Variants in UNC13A observed in about 807,000 individuals in gnomAD.
UNC13A encodes unc-13 homolog A, also known as protein unc-13 homolog A.
UNC13A carries 61 observed loss-of-function variants against 219.7 expected under a neutral mutation model. The ratio of observed to expected loss-of-function variants is 0.28; its 90% CI spans 0.23 to 0.34. UNC13A has a LOEUF of 0.34. UNC13A is among the 10% of genes least tolerant of loss of function. The pLI is 1.00. For synonymous variants in UNC13A, 920 were observed against 884.6 expected (o/e 1.04, Z -0.71); for missense variants, 1,476 against 2,270.3 (o/e 0.65, Z 7.11).
chr19:17,669,885 C>T (rs1055345892), intron 4 of UNC13A, among the ~76,000 whole-genome samples: 14 of 148,780 alleles, frequency 9.4e-5, no homozygotes, highest in Non-Finnish European at 1.6e-4. Flanking sequence ...TTCCCTTCCT[C>T]CCTTCCTTCC....
chr19:17,672,355 C>G, intron 4 of UNC13A, 23 bp downstream of exon 4: 2 of 1,605,720 alleles, frequency 1.2e-6, no homozygotes, highest in Non-Finnish European at 1.7e-6. Flanking sequence ...TCCTTCTTCA[C>G]CCTCAGGCCA....
intron 7 of UNC13A, among the ~76,000 whole-genome samples, chr19:17,665,831 C>T (rs894413962): frequency 5.9e-5 from 9 of 152,196 alleles, no homozygotes; most frequent in East Asian, 1.9e-4. Flanking sequence ...GAAGCATCTA[C>T]GAAGTGTTTT....
intron 41 of UNC13A, among the ~76,000 whole-genome samples, chr19:17,615,759 A>G (rs897821350): frequency 1.3e-5 from 2 of 152,166 alleles, no homozygotes; most frequent in East Asian, 1.9e-4. Flanking sequence ...TTAGAGCCTG[A>G]TAAGTATTCA....
At chr19:17,635,249 C>A (rs2076901597) in intron 26 of UNC13A, among the ~76,000 whole-genome samples, 1 of 152,172 alleles carries the variant, frequency 6.6e-6, no homozygotes, top group Non-Finnish European at 1.5e-5. Flanking sequence ...GATCCACCCA[C>A]CTTGGCCTCC....
chr19:17,625,835 A>C (rs2076776444), intron 34 of UNC13A, among the ~76,000 whole-genome samples: 1 of 148,200 alleles, frequency 6.7e-6, no homozygotes, highest in African/African-American at 2.5e-5. Context: ...CCACCCATCC[A>C]ACCATCCATT....
intron 43 of UNC13A, among the ~76,000 whole-genome samples, chr19:17,608,799 A>T (rs1465347360): frequency 6.6e-6 from 1 of 151,738 alleles, no homozygotes; most frequent in African/African-American, 2.4e-5. Flanking sequence ...TACAGGTGTG[A>T]GCCACCACAC....
chr19:17,680,889 C>CTTTT (rs375785182), intron 1 of UNC13A, among the ~76,000 whole-genome samples: 690 of 48,700 alleles, frequency 0.014, 109 homozygotes, highest in Non-Finnish European at 0.019. Flanking sequence ...CTTTTCTTTT[C>CTTTT]TTTTTTTTTT....
rs1934434302 is a variant in UNC13A, at chr19:17,649,205, C to T, written c.1524+134G>A. The T allele has an allele frequency of 7.0e-7, 1 of 1,418,986 alleles. No homozygotes were observed. Among genetic ancestry groups the T allele is most frequent in the Admixed American group, 2.0e-5 (1 of 50,648 alleles). 87.9% of individuals were successfully genotyped at this position (1,418,986 alleles called of 1,614,324 possible). ...CCTGGAAAGTGAGCAGCCCCGCACC[C>T]CTGACTCACAGCATCCAACACAGTG... is the stretch of plus-strand genomic sequence containing the variant. On this transcript the variant is annotated intron_variant, in intron 14 of 43. Transcript: ENST00000519716. The surrounding 1 kb of genome is among the most constrained non-coding windows in gnomAD (Gnocchi z 4.4).
intron 24 of UNC13A, 56 bp from the exon 25 acceptor site, chr19:17,639,273 A>G (rs2076942625): frequency 1.2e-6 from 2 of 1,608,340 alleles, no homozygotes; most frequent in Middle Eastern, 1.7e-4. Context: ...GGTCCCCAGG[A>G]AGTGACTGCG....
intron 1 of UNC13A, among the ~76,000 whole-genome samples, chr19:17,680,114 C>T (rs1381130082): frequency 3.2e-5 from 2 of 62,584 alleles, no homozygotes; most frequent in African/African-American, 1.3e-4. Context: ...AGGGTGTTCG[C>T]GGTGAGGGAG....
intron 8 of UNC13A, among the ~76,000 whole-genome samples, chr19:17,662,292 T>C (rs888278985): frequency 1.3e-5 from 2 of 151,708 alleles, no homozygotes; most frequent in South Asian, 4.2e-4. Context: ...TACTGTGAAC[T>C]GTGCATGTGC....
chr19:17,656,224 C>T lies in UNC13A; in HGVS notation c.942G>A (p.Ser314=), dbSNP rs150818554. The T allele has an allele frequency of 1.2e-4, 194 of 1,552,194 alleles. No individual in the cohort carries two copies. In the East Asian group the frequency reaches 4.4e-3, roughly 36 times the overall value. The change falls in exon 10 of 44, where the codon TCG becomes TCA. Residue 314 remains serine, a synonymous_variant. Transcript: ENST00000519716. ...CTTCCTCATCCTGGTCCCAGCGAGG[C>T]GAGTCTTTGTGGTAGCTGACCGAGC... ...CHSSVSYHKD[S]PRWDQDEEEL...
chr19:17,658,181 C>T lies in UNC13A; in HGVS notation c.648G>A (p.Thr216=), dbSNP rs776370163. The change falls in exon 9 of 44, where the codon ACG becomes ACA. Residue 216 remains threonine (T), a synonymous_variant. Coordinates refer to ENST00000519716, the MANE Select transcript of UNC13A (RefSeq NM_001080421.3). ...SNSIPPPYYT[T]SQPNASVHQY... is the part of the protein sequence containing the mutation. ...GGTGGACTGAGGCGTTGGGTTGTGA[C>T]GTAGTATAATAGGGCGGCGGGATGC... 5.3e-5 allele frequency: 85 copies of T among 1,613,750 alleles called. No individual in the cohort carries two copies. The highest frequency in any genetic ancestry group is 1.4e-5 in the Non-Finnish European group (17 of 1,179,892).
In UNC13A at chr19:17,654,002, T is replaced by C. The variant is rs186574432; in HGVS notation, c.1392+1272A>G. Among the ~76,000 whole-genome samples, 10 of 151,906 alleles carry C rather than the reference T, an allele frequency of 6.6e-5. No individual in the cohort carries two copies. In the East Asian group the frequency reaches 1.6e-3, roughly 24 times the overall value. On this transcript the variant is annotated intron_variant, in intron 11 of 43. Coordinates refer to ENST00000519716, the MANE Select transcript of UNC13A (RefSeq NM_001080421.3). The stretch of plus-strand genomic sequence containing the variant: ...CAACCACAGCCGGCTAATTTTTTTG[T>C]ACTTTCACTAGAGACGGGGTTTCAC...
chr19:17,605,886 C>T lies in UNC13A; in HGVS notation c.*168G>A. On this transcript the variant is annotated 3_prime_UTR_variant, in exon 44 of 44. Coordinates refer to ENST00000519716, the MANE Select transcript of UNC13A (RefSeq NM_001080421.3). ...CGAGAGGGCGGGGCATCCTCCATTCCTAATTCCCCAAAAGGGAAAGCTGAG... is the reference window on the plus strand; with the variant it reads ...CGAGAGGGCGGGGCATCCTCCATTCTTAATTCCCCAAAAGGGAAAGCTGAG... The T allele has an allele frequency of 3.0e-6, 2 of 663,034 alleles. No homozygotes were observed. Among genetic ancestry groups the T allele is most frequent in the Non-Finnish European group, 4.5e-6 (2 of 445,520 alleles). The allele number at this position is 663,034 out of a possible 1,614,324, so 41.1% of individuals were successfully genotyped here.
chr19:17,637,442 T>G lies in UNC13A; in HGVS notation c.3082-1285A>C, dbSNP rs148453188. Reference sequence around the variant, plus strand: ...CCTCCCAAGTATCTGGGACTACAGGTGCCCGCCACCACGCCCGGCTAATTT... The same window carrying G: ...CCTCCCAAGTATCTGGGACTACAGGGGCCCGCCACCACGCCCGGCTAATTT... On this transcript the variant is annotated intron_variant, in intron 25 of 43. Coordinates refer to ENST00000519716, the MANE Select transcript of UNC13A (RefSeq NM_001080421.3). Among the ~76,000 whole-genome samples, 29 of 151,886 alleles carry G rather than the reference T, an allele frequency of 1.9e-4. No homozygotes were observed. The East Asian group carries it at 5.6e-3, about 29-fold the overall frequency.
chr19:17,656,397 G>C lies in UNC13A; in HGVS notation c.769C>G (p.Pro257Ala). The C allele has an allele frequency of 6.6e-7, 1 of 1,520,350 alleles. No homozygotes were observed. Among genetic ancestry groups the C allele is most frequent in the Non-Finnish European group, 8.8e-7 (1 of 1,136,090 alleles). The allele number at this position is 1,520,350 out of a possible 1,614,324, so 94.2% of individuals were successfully genotyped here. Residue 257 changes from proline to alanine, a missense_variant and splice_region_variant, in exon 10 of 44, where the codon CCC becomes GCC. Physicochemically the swap from Pro to Ala is conservative, Grantham distance 27. Transcript: ENST00000519716. ...EEFSEPQALS[P>A]TGSSRYASSG... is the part of the protein sequence containing the mutation. ...GAGGCATAGCGGCTGCTACCCGTGG[G>C]GCTGTGGGGATGGAACAGGGTTCAG...
chr19:17,608,484 T>TATATA (rs370436398), intron 43 of UNC13A, among the ~76,000 whole-genome samples: 8,075 of 140,682 alleles, frequency 0.057, 282 homozygotes, highest in Middle Eastern at 0.12. Flanking sequence ...TATATATAAT[T>TATATA]ATATAATATA....
rs191898574 is a variant in UNC13A at position 17,603,291 on chromosome 19, C to T, written c.*2763G>A. The stretch of plus-strand genomic sequence containing the variant: ...GAATCTTTTGGGAAATAACTTGGCT[C>T]TCTCAGGCAGCTCGACTTCCCCATT... On this transcript the variant is annotated 3_prime_UTR_variant, in exon 44 of 44. Coordinates refer to ENST00000519716, the MANE Select transcript of UNC13A (RefSeq NM_001080421.3). 4.6e-5 allele frequency: 7 copies of T among 152,320 alleles called. No individual in the cohort carries two copies. Among genetic ancestry groups the T allele is most frequent in the African/African-American group, 1.7e-4 (7 of 41,542 alleles). The allele number at this position is 152,320 out of a possible 1,614,324, so 9.4% of individuals were successfully genotyped here.
Sources: gnomAD v4.1 joint callset for allele counts (sites outside exome capture counted in the v4.1 genomes callset) on GRCh38, gnomAD v4.1.1 for gene constraint, Gnocchi (gnomAD v3.1) non-coding constraint, MANE v1.5 for transcripts, NCBI Gene and HGNC (gene_info 2026-07-23, HGNC 2026-07-21) for gene names.